WAC: variants seen among roughly 807,000 people sequenced by gnomAD.
WAC encodes the protein WW domain-containing adapter protein with coiled-coil.
Under a neutral mutation model 79.6 loss-of-function variants are expected in WAC, and 11 were observed. The ratio of observed to expected loss-of-function variants is 0.14; its 90% CI spans 0.09 to 0.23. The LOEUF is 0.23. WAC is among the 10% of genes least tolerant of loss of function. The probability of loss-of-function intolerance (pLI) is 1.00; values close to 1 mark genes in which losing one functional copy is unlikely to be tolerated. For synonymous variants in WAC, 304 were observed against 276.9 expected, an observed-to-expected ratio of 1.10 and a Z score of -0.97; for missense variants, 728 against 773.5, an observed-to-expected ratio of 0.94 and a Z score of 0.70.
At chr10:28,588,883 T>C (rs1839954291) in intron 4 of WAC, 2 of 152,202 alleles carry the variant, frequency 1.3e-5, no homozygotes, top group South Asian at 4.1e-4. Context: ...CTTTTCTAGC[T>C]ATTTGACAAA....
chr10:28,616,187 C>T lies in WAC; in HGVS notation c.1571C>T (p.Pro524Leu). 1 of 1,599,562 alleles carries T rather than the reference C, an allele frequency of 6.3e-7. No homozygotes were observed. Among genetic ancestry groups the T allele is most frequent in the Non-Finnish European group, 8.5e-7 (1 of 1,170,700 alleles). The change falls in exon 12 of 14, where the codon CCA (proline) becomes CTA (leucine). Residue 524 changes from proline to leucine, a missense_variant. Around this residue, in one of 3 missense-constraint regions of WAC, gnomAD observed 648 missense variants for 661.5 expected, o/e 0.98. Coordinates refer to ENST00000354911, the MANE Select transcript of WAC (RefSeq NM_016628.5). ...SLQRSSSQRS[P>L]SPGPNHTSNS... ...CTGTTTTCTAGTAGCCAGAGAAGTC[C>T]ATCACCTGGTCCCAATCATACTTCT...
intron 3 of WAC, among the ~76,000 whole-genome samples, chr10:28,551,190 C>A (rs138420211): frequency 1.3e-5 from 2 of 152,180 alleles, no homozygotes; most frequent in Non-Finnish European, 2.9e-5. Context: ...AAGCTACTTA[C>A]ACATCCGTAA....
chr10:28,616,635 G>T (rs1363779195), intron 12 of WAC, among the ~76,000 whole-genome samples: 3 of 152,200 alleles, frequency 2.0e-5, no homozygotes, highest in Non-Finnish European at 4.4e-5. Flanking sequence ...TCTTAAAACA[G>T]CTAAGCAGTG....
At chr10:28,538,395 A>G (rs1306167257) in intron 3 of WAC, 1 of 200,758 alleles carries the variant, frequency 5.0e-6, no homozygotes, top group Non-Finnish European at 1.1e-5. Context: ...CAGCCTGGCC[A>G]ACGTGGTGAA....
intron 3 of WAC, among the ~76,000 whole-genome samples, chr10:28,550,116 C>G (rs1045597944): frequency 2.7e-5 from 4 of 150,214 alleles, no homozygotes; most frequent in Non-Finnish European, 5.9e-5. Flanking sequence ...TCGCGGTGAG[C>G]GGAGATCACA....
chr10:28,601,048 G>T (rs1017647734), intron 7 of WAC, among the ~76,000 whole-genome samples: 1 of 151,978 alleles, frequency 6.6e-6, no homozygotes, highest in Non-Finnish European at 1.5e-5. Context: ...CTTGAAATAT[G>T]ATAACCAGAG....
chr10:28,571,029 T>C (rs762159638), intron 3 of WAC, among the ~76,000 whole-genome samples: 3 of 138,848 alleles, frequency 2.2e-5, no homozygotes, highest in Non-Finnish European at 4.6e-5. Flanking sequence ...CGATCTTGGC[T>C]CACTGCAACC....
At chr10:28,573,073 C>T (rs531925763) in intron 3 of WAC, among the ~76,000 whole-genome samples, 3 of 152,088 alleles carry the variant, frequency 2.0e-5, no homozygotes, top group East Asian at 1.9e-4. Context: ...TGGCTCTTAA[C>T]ATGGTTAGAC....
intron 9 of WAC, chr10:28,611,530 C>G (rs1841235972): frequency 7.2e-7 from 1 of 1,379,478 alleles, no homozygotes; most frequent in Non-Finnish European, 9.5e-7. Flanking sequence ...GCTTCCTGTT[C>G]CAGCCACATA....
intron 3 of WAC, among the ~76,000 whole-genome samples, chr10:28,544,185 T>C (rs1188388326): frequency 2.0e-5 from 3 of 152,226 alleles, no homozygotes; most frequent in African/African-American, 7.2e-5. Context: ...GCCCACTTCT[T>C]TCCAGATTTT....
At chr10:28,552,835 C>G (rs1321194822) in intron 3 of WAC, among the ~76,000 whole-genome samples, 1 of 139,976 alleles carries the variant, frequency 7.1e-6, no homozygotes, top group Non-Finnish European at 1.5e-5. Flanking sequence ...TGAGCAAATC[C>G]ACTTGGCTGC....
chr10:28,551,014 T>A (rs1837638483), intron 3 of WAC, among the ~76,000 whole-genome samples: 1 of 152,174 alleles, frequency 6.6e-6, no homozygotes, highest in African/African-American at 2.4e-5. Flanking sequence ...TCCAAATCAT[T>A]GTTTCTCAAA....
At chr10:28,559,014 G>T (rs1039370598) in intron 3 of WAC, among the ~76,000 whole-genome samples, 4 of 152,016 alleles carry the variant, frequency 2.6e-5, no homozygotes, top group African/African-American at 9.7e-5. Context: ...TTTGGAGGTG[G>T]GTGTAATATT....
chr10:28,567,120 C>CTTAG (rs1838678989), intron 3 of WAC, among the ~76,000 whole-genome samples: 1 of 151,568 alleles, frequency 6.6e-6, no homozygotes, highest in South Asian at 2.1e-4. Context: ...TCTTTTGCTA[C>CTTAG]TTCTAATGTG....
At chr10:28,560,865 A>G (rs1341869985) in intron 3 of WAC, among the ~76,000 whole-genome samples, 1 of 152,212 alleles carries the variant, frequency 6.6e-6, no homozygotes, top group East Asian at 1.9e-4. Flanking sequence ...CTCCTGCTGT[A>G]GACAGGAAGT....
chr10:28,557,696 T>A (rs193107268), intron 3 of WAC, among the ~76,000 whole-genome samples: 1 of 152,096 alleles, frequency 6.6e-6, no homozygotes, highest in African/African-American at 2.4e-5. Flanking sequence ...ATTGTGTCTT[T>A]AAAGAGAAAA....
intron 3 of WAC, among the ~76,000 whole-genome samples, chr10:28,574,152 T>TTTTTG (rs571119172): frequency 6.6e-6 from 1 of 152,132 alleles, no homozygotes; most frequent in Admixed American, 6.6e-5. Flanking sequence ...ATTATGTGTT[T>TTTTTG]TTTTGTTTTG....
chr10:28,586,023 G>T (rs186766419), intron 4 of WAC, among the ~76,000 whole-genome samples: 2 of 152,248 alleles, frequency 1.3e-5, no homozygotes, highest in Non-Finnish European at 2.9e-5. Context: ...TGGAATCCGC[G>T]TTCTGGTTTC....
intron 3 of WAC, among the ~76,000 whole-genome samples, chr10:28,574,954 G>C (rs542693089): frequency 1.1e-4 from 16 of 150,928 alleles, no homozygotes; most frequent in Admixed American, 8.6e-4. Context: ...ATGAATGAAT[G>C]AATCAATGAA....
Sources: gnomAD v4.1 joint callset for allele counts (sites outside exome capture counted in the v4.1 genomes callset) on GRCh38, gnomAD v4.1.1 for gene constraint, gnomAD v4.1.1 regional missense constraint, MANE v1.5 for transcripts, NCBI Gene and HGNC (gene_info 2026-07-23, HGNC 2026-07-21) for gene names.